STK32A: variants seen among roughly 807,000 people sequenced by gnomAD.
The protein encoded by STK32A is serine/threonine kinase 32A, also known as serine/threonine-protein kinase 32A.
A neutral mutation model predicts 53.2 loss-of-function variants in STK32A; 41 were observed. The ratio of observed to expected loss-of-function variants is 0.77; its 90% confidence interval spans 0.60 to 1.00. STK32A has a LOEUF of 1.00. STK32A is among the 50% of genes least tolerant of loss of function. STK32A has a pLI of 0.00. For missense variants in STK32A, 458 were observed against 485.8 expected, an observed-to-expected ratio of 0.94 and a Z score of 0.54; for synonymous variants, 166 against 162.8, an observed-to-expected ratio of 1.02 and a Z score of -0.15.
At chr5:147,373,410 T>A (rs1338904988) in intron 10 of STK32A, 116 bp downstream of exon 10, 22 of 1,386,048 alleles carry the variant, frequency 1.6e-5, no homozygotes, top group Non-Finnish European at 2.1e-5. Flanking sequence ...AGAGCCCCAA[T>A]TCCCATTTTA....
chr5:147,260,986 G>A (rs1225651963), intron 2 of STK32A, among the ~76,000 whole-genome samples: 1 of 152,206 alleles, frequency 6.6e-6, no homozygotes, highest in Non-Finnish European at 1.5e-5. Context: ...GCGCAGAGTC[G>A]TTGCCGCAGT....
chr5:147,327,974 T>C (rs1045476918), intron 5 of STK32A, among the ~76,000 whole-genome samples: 6 of 152,148 alleles, frequency 3.9e-5, no homozygotes, highest in Non-Finnish European at 8.8e-5. Context: ...GAAAGACAAG[T>C]ACTTCAGAGA....
intron 4 of STK32A, among the ~76,000 whole-genome samples, chr5:147,311,717 C>A (rs1336098979): frequency 6.6e-6 from 1 of 152,148 alleles, no homozygotes; most frequent in Non-Finnish European, 1.5e-5. Flanking sequence ...CAGGTGCATG[C>A]CACTATACTG....
At chr5:147,245,304 C>T (rs1753730181) in intron 2 of STK32A, among the ~76,000 whole-genome samples, 1 of 152,186 alleles carries the variant, frequency 6.6e-6, no homozygotes, top group South Asian at 2.1e-4. Context: ...TTCTCAACTA[C>T]CATATGGATA....
chr5:147,304,256 G>A (rs2151967540), intron 4 of STK32A, among the ~76,000 whole-genome samples: 1 of 152,278 alleles, frequency 6.6e-6, no homozygotes, highest in African/African-American at 2.4e-5. Context: ...AAACATTCCT[G>A]CCCCTTAGCT....
At chr5:147,381,661 G>C (rs1757459176) in intron 11 of STK32A, among the ~76,000 whole-genome samples, 1 of 151,142 alleles carries the variant, frequency 6.6e-6, no homozygotes, top group Non-Finnish European at 1.5e-5. Flanking sequence ...AAAAAGGAAA[G>C]TTTGATTATA....
chr5:147,343,073 A>T, intron 6 of STK32A, 30 bp downstream of exon 6: 1 of 1,611,728 alleles, frequency 6.2e-7, no homozygotes, highest in Non-Finnish European at 8.5e-7. Context: ...GCAATCAAGT[A>T]CATGACATGC....
At chr5:147,382,782 G>C (rs1757503389) in intron 11 of STK32A, 1 of 152,186 alleles carries the variant, frequency 6.6e-6, no homozygotes, top group Non-Finnish European at 1.5e-5. Flanking sequence ...TTCACGTGTG[G>C]CTCCCAAAAG....
chr5:147,324,844 A>T (rs1172174719), intron 5 of STK32A, among the ~76,000 whole-genome samples: 1 of 152,170 alleles, frequency 6.6e-6, no homozygotes, highest in South Asian at 2.1e-4. Flanking sequence ...AACATCTACT[A>T]ATCAACATCA....
intron 2 of STK32A, among the ~76,000 whole-genome samples, chr5:147,273,088 C>T (rs1404820939): frequency 1.3e-5 from 2 of 152,166 alleles, no homozygotes; most frequent in East Asian, 3.9e-4. Flanking sequence ...CTCTGAAATT[C>T]CAAGCATCAG....
At chr5:147,373,836 G>A (rs903932744) in intron 10 of STK32A, among the ~76,000 whole-genome samples, 7 of 152,110 alleles carry the variant, frequency 4.6e-5, no homozygotes, top group African/African-American at 1.7e-4. Context: ...GACTTCTGTG[G>A]TCTACTGCAT....
chr5:147,388,086 C>T (rs2152011078), downstream of STK32A, among the ~76,000 whole-genome samples: 1 of 152,314 alleles, frequency 6.6e-6, no homozygotes, highest in Non-Finnish European at 1.5e-5. Context: ...ATCCTTACCT[C>T]TCTAGTAGTC....
intron 8 of STK32A, among the ~76,000 whole-genome samples, chr5:147,362,085 T>A (rs567205676): frequency 1.3e-5 from 2 of 152,232 alleles, no homozygotes; most frequent in South Asian, 4.1e-4. Flanking sequence ...TAGAGTCATT[T>A]CCTTTTAAAG....
At position 147,375,196 on chromosome 5, in the gene STK32A, T is replaced by A. The variant is rs779824878; in HGVS notation, c.1010T>A (p.Met337Lys). Residue 337 changes from methionine to lysine, a missense_variant, in exon 11 of 13, where the codon ATG (methionine) becomes AAG (lysine). Coordinates refer to ENST00000397936, the MANE Select transcript of STK32A (RefSeq NM_001112724.2). ...CGTCTGGCAAAGAAGGAGAAGGATA[T>A]GAGGAAATGCGATTCTTCTCAGGTA... is the stretch of plus-strand genomic sequence containing the variant. The part of the protein sequence containing the change: ...KKRLAKKEKD[M>K]RKCDSSQTCL... The A allele has an allele frequency of 1.2e-6, 2 of 1,611,082 alleles. No individual in the cohort carries two copies. Among genetic ancestry groups the A allele is most frequent in the East Asian group, 4.5e-5 (2 of 44,780 alleles).
chr5:147,359,473 C>G (rs1187843859), intron 7 of STK32A, among the ~76,000 whole-genome samples: 1 of 152,022 alleles, frequency 6.6e-6, no homozygotes, highest in Non-Finnish European at 1.5e-5. Context: ...TCATGTAAAC[C>G]CCAAGGATAA....
At chr5:147,276,636 G>A (rs1190517613) in intron 2 of STK32A, among the ~76,000 whole-genome samples, 1 of 152,190 alleles carries the variant, frequency 6.6e-6, no homozygotes, top group African/African-American at 2.4e-5. Context: ...GGAATTTTCT[G>A]AGGTGGCAGG....
chr5:147,359,594 G>A (rs1365106241), intron 7 of STK32A, among the ~76,000 whole-genome samples: 2 of 152,132 alleles, frequency 1.3e-5, no homozygotes, highest in Non-Finnish European at 2.9e-5. Context: ...TTCTCTGAGT[G>A]ACGTGTCTGT....
At chr5:147,262,592 ACAAAAC>A (rs145816564) in intron 2 of STK32A, among the ~76,000 whole-genome samples, 7,294 of 150,960 alleles carry the variant, frequency 0.048, 581 homozygotes, top group African/African-American at 0.17. Flanking sequence ...TCAGGAAAAA[ACAAAAC>A]AAAACAAAAA....
chr5:147,372,180 A>T (rs1757028731), intron 9 of STK32A, among the ~76,000 whole-genome samples: 2 of 150,002 alleles, frequency 1.3e-5, no homozygotes, highest in Non-Finnish European at 1.5e-5. Context: ...CATCAAACAG[A>T]TGAAGAACAG....
Sources: allele counts gnomAD v4.1 joint callset (sites outside exome capture counted in the v4.1 genomes callset), GRCh38; gene constraint gnomAD v4.1.1; transcripts MANE v1.5; gene names NCBI Gene and HGNC (gene_info 2026-07-23, HGNC 2026-07-21).